ADI1: variants seen among roughly 807,000 people sequenced by gnomAD.
ADI1 encodes acireductone dioxygenase 1.
Under a neutral mutation model 18.7 loss-of-function variants are expected in ADI1, and 21 were observed. That is an observed-to-expected ratio of 1.13 (90% CI 0.80 to 1.62). The LOEUF (loss-of-function observed/expected upper bound fraction) is 1.62. ADI1 is among the 40% of genes most tolerant of loss of function. The probability of loss-of-function intolerance (pLI) is 0.00; values close to 1 mark genes in which losing one functional copy is unlikely to be tolerated. For synonymous variants in ADI1, 90 were observed against 100.1 expected, an observed-to-expected ratio of 0.90 and a Z score of 0.60; for missense variants, 245 against 254.9, an observed-to-expected ratio of 0.96 and a Z score of 0.26.
Position 3,499,178 on chromosome 2 carries a change from T to A in ADI1, c.421-96A>T, listed in dbSNP as rs576225171. On this transcript the variant is annotated intron_variant, in intron 3 of 3. Coordinates refer to ENST00000327435, the MANE Select transcript of ADI1 (RefSeq NM_018269.4). ...ATCAACTTGTTAACATTAATTGCTA[T>A]AAACACTTTACTTGCTATTTTTATT... The A allele has an allele frequency of 2.0e-6, 3 of 1,469,136 alleles. No homozygotes were observed. In the South Asian group the frequency reaches 4.1e-5, roughly 20 times the overall value. The allele number at this position is 1,469,136 out of a possible 1,614,324, so 91.0% of individuals were successfully genotyped here.
intron 1 of ADI1, 161 bp downstream of exon 1, chr2:3,519,207 A>T (rs2103217242): frequency 9.1e-7 from 1 of 1,094,506 alleles, no homozygotes; most frequent in East Asian, 3.3e-5. Flanking sequence ...AGCCCACCCC[A>T]GGCACCGGGA....
In ADI1 at chr2:3,519,519, A is replaced by AG. The variant is rs776173687; in HGVS notation, c.-33dup. On this transcript the variant is annotated 5_prime_UTR_variant, in exon 1 of 4. Transcript: ENST00000327435. ...CAGTGCGGGTGCCGTGTTCGAACCC[A>AG]GGGGCCGCGCTCGGAGCCCGTCGGC... 112 of 1,256,956 alleles carry AG rather than the reference A, an allele frequency of 8.9e-5. No homozygotes were observed. In the African/African-American group the frequency reaches 1.5e-3, roughly 17 times the overall value. 77.9% of individuals were successfully genotyped at this position (1,256,956 alleles called of 1,614,324 possible). A position where few individuals can be genotyped will look rare whatever the true frequency, so the allele number is the denominator to read the frequency against.
At chr2:3,507,395 A>G (rs1005082220) in intron 2 of ADI1, among the ~76,000 whole-genome samples, 3 of 152,214 alleles carry the variant, frequency 2.0e-5, no homozygotes, top group Non-Finnish European at 4.4e-5. Flanking sequence ...AACTGCAGAA[A>G]GCAAAAGACA....
At chr2:3,499,363 A>G (rs1489549935) in intron 3 of ADI1, among the ~76,000 whole-genome samples, 1 of 152,202 alleles carries the variant, frequency 6.6e-6, no homozygotes, top group Non-Finnish European at 1.5e-5. Context: ...AGAGACACAC[A>G]GTCAGGAAAA....
At chr2:3,504,325 G>T (rs1044866818) in intron 2 of ADI1, among the ~76,000 whole-genome samples, 1 of 152,244 alleles carries the variant, frequency 6.6e-6, no homozygotes, top group African/African-American at 2.4e-5. Flanking sequence ...GTATCAGCAA[G>T]AGGGTTTTAT....
At position 3,519,375 on chromosome 2, in the gene ADI1, T is replaced by C; in HGVS notation, c.113A>G (p.Tyr38Cys). ...AGGCTTGGGCTCGCGTACCTTCCAG[T>C]AGAGCACCCCGAGCCGCCGCAGCTG... ...LEQLRRLGVL[Y>C]WKLDADKYEN... is the part of the protein sequence containing the mutation. Residue 38 changes from tyrosine to cysteine, a missense_variant, in exon 1 of 4, where the codon TAC becomes TGC. Physicochemically the swap from Tyr to Cys is radical, Grantham distance 194. Coordinates refer to ENST00000327435, the MANE Select transcript of ADI1 (RefSeq NM_018269.4). 1 of 1,431,490 alleles carries C rather than the reference T, an allele frequency of 7.0e-7. No individual in the cohort carries two copies. Among genetic ancestry groups the C allele is most frequent in the Non-Finnish European group, 9.1e-7 (1 of 1,100,000 alleles). The allele number at this position is 1,431,490 out of a possible 1,614,324, so 88.7% of individuals were successfully genotyped here.
At chr2:3,507,963 A>T (rs545025700) in intron 2 of ADI1, among the ~76,000 whole-genome samples, 22 of 152,220 alleles carry the variant, frequency 1.4e-4, no homozygotes, top group Non-Finnish European at 2.8e-4. Context: ...TTTAATGATA[A>T]GCTAAGAGGA....
At chr2:3,504,955 T>G (rs9678140) in intron 2 of ADI1, among the ~76,000 whole-genome samples, 75,757 of 150,672 alleles carry the variant, frequency 0.5, 22,163 homozygotes, top group African/African-American at 0.83. Flanking sequence ...TGTTTGTATT[T>G]TCTGTTCACC....
chr2:3,499,914 A>C (rs1284842917), intron 3 of ADI1, among the ~76,000 whole-genome samples: 1 of 152,038 alleles, frequency 6.6e-6, no homozygotes, highest in African/African-American at 2.4e-5. Context: ...AAAACACAAA[A>C]ATTAGCCGGG....
intron 1 of ADI1, chr2:3,515,558 G>A (rs1667386937): frequency 3.3e-5 from 5 of 152,102 alleles, no homozygotes; most frequent in Admixed American, 2.6e-4. Context: ...ATCTTTGTTG[G>A]ACCCTTATCA....
intron 2 of ADI1, among the ~76,000 whole-genome samples, chr2:3,502,161 G>A (rs772152049): frequency 1.3e-5 from 2 of 152,076 alleles, no homozygotes; most frequent in African/African-American, 4.8e-5. Flanking sequence ...CAGTAGCTGG[G>A]ACTACAGGCG....
chr2:3,511,981 G>T (rs1487488605), intron 2 of ADI1, among the ~76,000 whole-genome samples: 1 of 152,228 alleles, frequency 6.6e-6, no homozygotes, highest in Non-Finnish European at 1.5e-5. Flanking sequence ...TATGGTAGAA[G>T]AAATTTCTAA....
rs374201772 is a variant in ADI1, at chr2:3,498,634, C to T, written c.*329G>A. ...GGATTGCACCTTCTTACACGGCAGGCGCGGCATCACGTCCAGATGGGCATC... is the reference window on the plus strand; with the variant it reads ...GGATTGCACCTTCTTACACGGCAGGTGCGGCATCACGTCCAGATGGGCATC... On this transcript the variant is annotated 3_prime_UTR_variant, in exon 4 of 4. Transcript: ENST00000327435. 3.1e-5 allele frequency: 7 copies of T among 222,546 alleles called. No homozygotes were observed. The highest frequency in any genetic ancestry group is 2.8e-4 in the East Asian group (3 of 10,596). 13.8% of individuals were successfully genotyped at this position (222,546 alleles called of 1,614,324 possible).
intron 2 of ADI1, among the ~76,000 whole-genome samples, chr2:3,503,168 TACATTC>T (rs1428632689): frequency 6.6e-6 from 1 of 151,294 alleles, no homozygotes; most frequent in Non-Finnish European, 1.5e-5. Flanking sequence ...CTCACATGCG[TACATTC>T]ACACTCACAT....
chr2:3,499,289 G>A (rs182561215), intron 3 of ADI1, among the ~76,000 whole-genome samples: 4 of 152,324 alleles, frequency 2.6e-5, no homozygotes, highest in Admixed American at 1.3e-4. Flanking sequence ...CTGTCCTCAC[G>A]TGCCAGGTAA....
At chr2:3,502,042 CAG>C (rs1553332489) in intron 2 of ADI1, among the ~76,000 whole-genome samples, 1 of 45,354 alleles carries the variant, frequency 2.2e-5, no homozygotes, top group Admixed American at 2.0e-4. Flanking sequence ...CACACACACA[CAG>C]AGACAGGGTT....
intron 1 of ADI1, chr2:3,514,963 T>G (rs1034655479): frequency 1.0e-4 from 143 of 1,389,986 alleles, no homozygotes; most frequent in Non-Finnish European, 1.3e-4. Context: ...CTTTAATCTC[T>G]TAATCCTGTT....
rs148459215 is a variant in ADI1 at position 3,500,856 on chromosome 2, C to T, written c.378G>A (p.Thr126=). 38 of 1,614,108 alleles carry T rather than the reference C, an allele frequency of 2.4e-5. No homozygotes were observed. Among genetic ancestry groups the T allele is most frequent in the Middle Eastern group, 1.6e-4 (1 of 6,084 alleles). ...AGCGGTGATAGATCCCCGCGGGGAGCGTCACCATGTCTCCCTTCTCCATGA... is the reference window on the plus strand; with the variant it reads ...AGCGGTGATAGATCCCCGCGGGGAGTGTCACCATGTCTCCCTTCTCCATGA... ...RIFMEKGDMV[T]LPAGIYHRFT... is the part of the protein sequence containing the mutation. The change falls in exon 3 of 4, where the codon ACG becomes ACA. Residue 126 remains threonine, a synonymous_variant. Transcript: ENST00000327435.
At chr2:3,508,349 A>C (rs1290472960) in intron 2 of ADI1, among the ~76,000 whole-genome samples, 1 of 150,262 alleles carries the variant, frequency 6.7e-6, no homozygotes. Flanking sequence ...AAAAAAAAAA[A>C]AAAAAAAAAA....
Sources: gnomAD v4.1 joint callset for allele counts (sites outside exome capture counted in the v4.1 genomes callset) on GRCh38, gnomAD v4.1.1 for gene constraint, MANE v1.5 for transcripts, NCBI Gene and HGNC (gene_info 2026-07-23, HGNC 2026-07-21) for gene names.